The following NADK2 variants were observed in gnomAD, a reference collection of about 807,000 sequenced individuals.
NADK2 encodes the protein NAD kinase domain-containing protein 1, mitochondrial.
NADK2 carries 35 observed loss-of-function variants against 62.1 expected under a neutral mutation model. The ratio of observed to expected loss-of-function variants is 0.56; its 90% CI spans 0.43 to 0.75. The LOEUF is 0.75. NADK2 is among the 30% of genes least tolerant of loss of function. NADK2 has a pLI of 0.00. For missense variants in NADK2, 439 were observed against 561.3 expected, an observed-to-expected ratio of 0.78 and a Z score of 2.20; for synonymous variants, 205 against 207.9, an observed-to-expected ratio of 0.99 and a Z score of 0.12.
chr5:36,201,142 C>T lies in NADK2; in HGVS notation c.976G>A (p.Val326Ile), dbSNP rs750779824. ...SKAWSFNINR[V>I]ATQAVEDVLN... ...ACATCTTCTACAGCCTGAGTTGCAA[C>T]CCTGTTAATATTGAATGACCTAGAA... Residue 326 changes from valine (V) to isoleucine (I), a missense_variant, in exon 9 of 12, where the codon GTT becomes ATT. Physicochemically the swap from Val to Ile is conservative, Grantham distance 29. Coordinates refer to ENST00000381937, the MANE Select transcript of NADK2 (RefSeq NM_001085411.3). 2.5e-5 allele frequency: 40 copies of T among 1,612,224 alleles called. No individual in the cohort carries two copies. Among genetic ancestry groups the T allele is most frequent in the Non-Finnish European group, 2.8e-5 (33 of 1,178,828 alleles).
At chr5:36,221,606 A>T (rs1215440186) in intron 4 of NADK2, 1 of 152,228 alleles carries the variant, frequency 6.6e-6, no homozygotes, top group Non-Finnish European at 1.5e-5. Context: ...ACCAGAAGGC[A>T]ATTTAACATA....
Position 36,194,722 on chromosome 5 carries a change from G to C in NADK2, c.*422C>G, listed in dbSNP as rs953242316. 6.5e-5 allele frequency: 10 copies of C among 152,796 alleles called. No homozygotes were observed. The highest frequency in any genetic ancestry group is 4.6e-4 in the Admixed American group (7 of 15,274). The allele number at this position is 152,796 out of a possible 1,614,324, so 9.5% of individuals were successfully genotyped here. On this transcript the variant is annotated 3_prime_UTR_variant, in exon 12 of 12. Transcript: ENST00000381937. ...AATTTTTTCAAAATCTTGGTTTTCA[G>C]GTACTATAAAAAATATGCACTAATC...
chr5:36,204,321 A>G (rs995836458), intron 8 of NADK2, among the ~76,000 whole-genome samples: 6 of 152,152 alleles, frequency 3.9e-5, no homozygotes, highest in African/African-American at 1.4e-4. Context: ...GAATTTGTAC[A>G]TAGTTGTAAA....
Position 36,241,711 on chromosome 5 carries a change from C to T in NADK2, c.88G>A (p.Gly30Ser). ...AAALRGPGAG[G>S]PAARPRLGGD... ...CCCAGCCGGGGCCGCGCGGCGGGGC[C>T]TCCCGCACCCGGTCCCCGCAGCGCC... The change falls in exon 1 of 12, where the codon GGC (glycine) becomes AGC (serine). Residue 30 changes from glycine to serine, a missense_variant. By Grantham distance (56) the Gly-to-Ser change is moderately conservative. Transcript: ENST00000381937. The surrounding 1 kb of genome is among the most constrained non-coding windows in gnomAD (Gnocchi z 4.9). 8.7e-7 allele frequency: 1 copy of T among 1,144,000 alleles called. No homozygotes were observed. The highest frequency in any genetic ancestry group is 1.6e-5 in the African/African-American group (1 of 60,772). 70.9% of individuals were successfully genotyped at this position (1,144,000 alleles called of 1,614,324 possible).
Position 36,241,381 on chromosome 5 carries a change from G to A in NADK2, c.300+118C>T. ...GACCTGGGGGCCGCGAGAGAGGCAGGACCGGCATCTGCGGTGCCCTGGGAA... is the reference window on the plus strand; with the variant it reads ...GACCTGGGGGCCGCGAGAGAGGCAGAACCGGCATCTGCGGTGCCCTGGGAA... On this transcript the variant is annotated intron_variant, in intron 1 of 11. Transcript: ENST00000381937. This position sits in a 1 kb window ranked among gnomAD's most constrained non-coding sequence, Gnocchi z 4.9. 5 of 1,353,332 alleles carry A rather than the reference G, an allele frequency of 3.7e-6. No individual in the cohort carries two copies. Among genetic ancestry groups the A allele is most frequent in the Non-Finnish European group, 4.7e-6 (5 of 1,054,896 alleles). The allele number at this position is 1,353,332 out of a possible 1,614,324, so 83.8% of individuals were successfully genotyped here. A position where few individuals can be genotyped will look rare whatever the true frequency, so the allele number is the denominator to read the frequency against.
At chr5:36,228,789 ATT>A (rs34062296) in intron 1 of NADK2, among the ~76,000 whole-genome samples, 1 of 131,888 alleles carries the variant, frequency 7.6e-6, no homozygotes, top group East Asian at 2.1e-4. Flanking sequence ...CAGCTAATTT[ATT>A]TTATTTTTTT....
At chr5:36,234,100 C>T (rs1378927501) in intron 1 of NADK2, among the ~76,000 whole-genome samples, 1 of 151,998 alleles carries the variant, frequency 6.6e-6, no homozygotes, top group Non-Finnish European at 1.5e-5. Context: ...ATGGGCCAGG[C>T]GCGGTGGCTC....
intron 11 of NADK2, 68 bp from the exon 12 acceptor site, chr5:36,195,350 T>C (rs1184047002): frequency 6.9e-7 from 1 of 1,442,660 alleles, no homozygotes; most frequent in African/African-American, 1.5e-5. Context: ...ATCCTGAATT[T>C]TAACCTAGCA....
rs1349257326 is a variant in NADK2 at position 36,241,017 on chromosome 5, C to T, written c.300+482G>A. Among the ~76,000 whole-genome samples the T allele has an allele frequency of 6.6e-6, 1 of 152,210 alleles. No homozygotes were observed. The highest frequency in any genetic ancestry group is 1.5e-5 in the Non-Finnish European group (1 of 68,024). On this transcript the variant is annotated intron_variant, in intron 1 of 11. Coordinates refer to ENST00000381937, the MANE Select transcript of NADK2 (RefSeq NM_001085411.3). This position sits in a 1 kb window ranked among gnomAD's most constrained non-coding sequence, Gnocchi z 4.9. ...AAAGGGGGTGTGTCCGCGGTTGTTT[C>T]GGCCCTTTTCCCCCGGCAGCCCTCA...
intron 4 of NADK2, among the ~76,000 whole-genome samples, chr5:36,224,204 CT>C (rs571346905): frequency 1.1e-3 from 172 of 152,212 alleles, no homozygotes; most frequent in African/African-American, 3.9e-3. Context: ...ACCCAATGAT[CT>C]TTTTTTCCCC....
intron 11 of NADK2, 51 bp downstream of exon 11, chr5:36,197,490 G>A: frequency 6.2e-7 from 1 of 1,608,162 alleles, no homozygotes. Flanking sequence ...AGTGGGCTTT[G>A]TAACAATGAA....
chr5:36,202,700 A>G (rs1022775902), intron 8 of NADK2, among the ~76,000 whole-genome samples: 2 of 152,080 alleles, frequency 1.3e-5, no homozygotes, highest in Non-Finnish European at 2.9e-5. Flanking sequence ...CCTGGCTCAG[A>G]GCCTCCCATG....
At chr5:36,211,780 G>A in intron 7 of NADK2, 64 bp downstream of exon 7, 2 of 1,361,738 alleles carry the variant, frequency 1.5e-6, no homozygotes, top group Non-Finnish European at 2.1e-6. Flanking sequence ...TGTAGAAACT[G>A]AATAAATATC....
intron 5 of NADK2, 74 bp downstream of exon 5, chr5:36,219,522 G>GT (rs1010748264): frequency 1.2e-5 from 17 of 1,371,118 alleles, no homozygotes; most frequent in Admixed American, 5.2e-5. Context: ...GATTTGTTCT[G>GT]TTTTTTAACA....
At position 36,197,627 on chromosome 5, in the gene NADK2, C is replaced by T. The variant is rs79189380; in HGVS notation, c.1104G>A (p.Pro368=). The T allele has an allele frequency of 0.012, 19,133 of 1,609,028 alleles. 155 individuals carry two copies. Among genetic ancestry groups the T allele is most frequent in the Non-Finnish European group, 0.013 (15,893 of 1,177,948 alleles). Residue 368 remains proline, a synonymous_variant, in exon 11 of 12, where the codon CCG becomes CCA. Coordinates refer to ENST00000381937, the MANE Select transcript of NADK2 (RefSeq NM_001085411.3). ...TACTGAAAAGTATTTTTGGTTCTTC[C>T]GGACTGTAGAGCAGTGATTCATTAT... ...NEYNESLLYS[P]EEPKILFSIR...
intron 8 of NADK2, among the ~76,000 whole-genome samples, chr5:36,203,803 T>C (rs527407616): frequency 2.4e-4 from 36 of 152,258 alleles, no homozygotes; most frequent in South Asian, 6.2e-4. Flanking sequence ...CCATTGCCTC[T>C]AGCAGAAGCA....
At position 36,207,302 on chromosome 5, in the gene NADK2, A is replaced by C. The variant is rs1175476373; in HGVS notation, c.861-37T>G. 10 of 1,495,070 alleles carry C rather than the reference A, an allele frequency of 6.7e-6. No homozygotes were observed. The Admixed American group carries it at 1.7e-4, about 26-fold the overall frequency. The allele number at this position is 1,495,070 out of a possible 1,614,324, so 92.6% of individuals were successfully genotyped here. On this transcript the variant is annotated intron_variant, in intron 7 of 11. Transcript: ENST00000381937. ...GAATATAAAACTGTTTGCTGAGCTT[A>C]TGGTTCAAGGTAAATAAGAGAGTCT...
intron 4 of NADK2, chr5:36,222,044 A>G (rs887781807): frequency 6.6e-6 from 1 of 152,208 alleles, no homozygotes; most frequent in Non-Finnish European, 1.5e-5. Context: ...TGCTAGTGAC[A>G]GAGAAATTAA....
chr5:36,208,574 A>G, intron 7 of NADK2: 1 of 1,280,070 alleles, frequency 7.8e-7, no homozygotes, highest in Non-Finnish European at 1.1e-6. Flanking sequence ...GTCAGTTCAT[A>G]GAATTTTTGT....
Sources: gnomAD v4.1 joint callset for allele counts (sites outside exome capture counted in the v4.1 genomes callset) on GRCh38, gnomAD v4.1.1 for gene constraint, Gnocchi (gnomAD v3.1) non-coding constraint, MANE v1.5 for transcripts, NCBI Gene and HGNC (gene_info 2026-07-23, HGNC 2026-07-21) for gene names.